The following ZDHHC9 variants were observed in gnomAD, a reference collection of about 807,000 sequenced individuals.
ZDHHC9 encodes the protein palmitoyltransferase ZDHHC9.
ZDHHC9 carries 3 observed loss-of-function variants against 26.6 expected under a neutral mutation model. The ratio of observed to expected loss-of-function variants is 0.11; its 90% CI spans 0.05 to 0.29. ZDHHC9 has a LOEUF of 0.29. ZDHHC9 is among the 10% of genes least tolerant of loss of function. The pLI is 1.00. For missense variants in ZDHHC9, 146 were observed against 296.4 expected, an observed-to-expected ratio of 0.49 and a Z score of 3.73; for synonymous variants, 111 against 109.4, an observed-to-expected ratio of 1.01 and a Z score of -0.09.
intron 5 of ZDHHC9, among the ~76,000 whole-genome samples, chrX:129,815,052 G>A (rs1927729529): frequency 9.0e-6 from 1 of 110,967 alleles, no homozygotes; most frequent in Non-Finnish European, 1.9e-5. Flanking sequence ...AAGGCATGGA[G>A]AGGTTAAGTG....
chrX:129,823,474 G>A (rs1927936859), intron 5 of ZDHHC9: 2 of 427,246 alleles, frequency 4.7e-6, no homozygotes, highest in Non-Finnish European at 8.0e-6. Context: ...TTAGGCTAGA[G>A]GATATTTAAA....
At chrX:129,833,990 C>G in intron 3 of ZDHHC9, among the ~76,000 whole-genome samples, 1 of 112,409 alleles carries the variant, frequency 8.9e-6, no homozygotes, top group Admixed American at 9.4e-5. Context: ...GTCTGTATCC[C>G]TGCAAAATTC....
chrX:129,835,357 G>A (rs1197141982), intron 3 of ZDHHC9, among the ~76,000 whole-genome samples: 1 of 107,345 alleles, frequency 9.3e-6, no homozygotes, highest in African/African-American at 3.4e-5. Context: ...TGAGGTGGGA[G>A]GACTGTTTAA....
intron 3 of ZDHHC9, among the ~76,000 whole-genome samples, chrX:129,836,870 C>T (rs1303593008): frequency 1.8e-5 from 2 of 112,441 alleles, no homozygotes; most frequent in Non-Finnish European, 3.7e-5. Flanking sequence ...GGGTAACACA[C>T]ACACTAGCTC....
chrX:129,810,411 T>C (rs774820881), intron 10 of ZDHHC9, among the ~76,000 whole-genome samples: 1 of 111,352 alleles, frequency 9.0e-6, no homozygotes, highest in Non-Finnish European at 1.9e-5. Flanking sequence ...AGATATACTT[T>C]ATATATCTTA....
At chrX:129,818,278 C>A (rs1012787353) in intron 5 of ZDHHC9, among the ~76,000 whole-genome samples, 4 of 111,810 alleles carry the variant, frequency 3.6e-5, no homozygotes, top group African/African-American at 1.3e-4. Flanking sequence ...GACTTCCAGC[C>A]TCCAGAATTG....
At chrX:129,841,144 A>C (rs1195490371) in intron 3 of ZDHHC9, among the ~76,000 whole-genome samples, 1 of 111,816 alleles carries the variant, frequency 8.9e-6, no homozygotes, top group Non-Finnish European at 1.9e-5. Context: ...CTCGAGTACG[A>C]GGTATTACAC....
At chrX:129,807,169 G>A (rs1211290420) in intron 10 of ZDHHC9, among the ~76,000 whole-genome samples, 4 of 112,312 alleles carry the variant, frequency 3.6e-5, no homozygotes, top group Non-Finnish European at 5.6e-5. Flanking sequence ...GATTCTGGCC[G>A]GGCGCGGTGG....
chrX:129,840,684 C>T (rs909232362), intron 3 of ZDHHC9, among the ~76,000 whole-genome samples: 7 of 111,129 alleles, frequency 6.3e-5, no homozygotes, highest in Non-Finnish European at 1.1e-4. Context: ...CTGGATCTCC[C>T]TCCCCCTGCT....
In ZDHHC9 at chrX:129,813,735, TG is replaced by T; in HGVS notation, c.626-11del. 2 of 1,206,335 alleles carry T rather than the reference TG, an allele frequency of 1.7e-6. No homozygotes were observed. The highest frequency in any genetic ancestry group is 2.2e-6 in the Non-Finnish European group (2 of 890,644). ...CCAATTTTCAAAGATTCTGTGAAAT[TG>T]GATGGAAGAGTAGAGAGAAAAATTA... On this transcript the variant is annotated splice_polypyrimidine_tract_variant and intron_variant, in intron 6 of 10. Coordinates refer to ENST00000357166, the MANE Select transcript of ZDHHC9 (RefSeq NM_016032.4).
intron 4 of ZDHHC9, among the ~76,000 whole-genome samples, chrX:129,825,286 T>C (rs80263194): frequency 8.9e-6 from 1 of 111,956 alleles, no homozygotes; most frequent in East Asian, 2.8e-4. Flanking sequence ...AAATTTTTTT[T>C]GGAAAAAAAC....
intron 3 of ZDHHC9, among the ~76,000 whole-genome samples, chrX:129,841,425 C>A (rs1380803145): frequency 8.9e-6 from 1 of 111,794 alleles, no homozygotes; most frequent in Non-Finnish European, 1.9e-5. Context: ...AGTAATGTAA[C>A]AATGAGGGGT....
chrX:129,814,271 C>T (rs1038805200), intron 6 of ZDHHC9, among the ~76,000 whole-genome samples: 8 of 111,792 alleles, frequency 7.2e-5, no homozygotes, highest in Admixed American at 3.8e-4. Flanking sequence ...AAAGACATTT[C>T]TCAGGCAAAA....
intron 3 of ZDHHC9, among the ~76,000 whole-genome samples, chrX:129,832,643 C>T (rs1026047019): frequency 6.3e-5 from 7 of 110,444 alleles, no homozygotes; most frequent in African/African-American, 2.0e-4. Flanking sequence ...ATTAGCCAGG[C>T]GTGGTGGTGG....
At chrX:129,809,988 CAAAAAA>C (rs55755290) in intron 10 of ZDHHC9, among the ~76,000 whole-genome samples, 5 of 58,659 alleles carry the variant, frequency 8.5e-5, no homozygotes, top group Admixed American at 7.3e-4. Flanking sequence ...GACTCCGTCT[CAAAAAA>C]AAAAAAAAAA....
intron 2 of ZDHHC9, among the ~76,000 whole-genome samples, chrX:129,842,661 C>A (rs1928408329): frequency 8.8e-6 from 1 of 113,044 alleles, no homozygotes; most frequent in African/African-American, 3.2e-5. Context: ...CTGGCAGGGC[C>A]AGGAGGTTCT....
intron 5 of ZDHHC9, among the ~76,000 whole-genome samples, chrX:129,822,249 T>C (rs937950743): frequency 2.7e-5 from 3 of 111,400 alleles, no homozygotes; most frequent in Non-Finnish European, 3.8e-5. Flanking sequence ...GTGGCACATA[T>C]ACACCATGGA....
At position 129,811,720 on chromosome X, in the gene ZDHHC9, G is replaced by A. The variant is rs138568875; in HGVS notation, c.778-211C>T. 7.2e-5 allele frequency among the ~76,000 whole-genome samples: 8 copies of A among 111,018 alleles called. No individual in the cohort carries two copies. The East Asian group carries it at 2.3e-3, about 31-fold the overall frequency. On this transcript the variant is annotated intron_variant, in intron 8 of 10. Transcript: ENST00000357166. ...CCACTGAACTGTACATTTAGGATATGAGGGCGATCTGGCTGCAACAACTGT... is the reference window on the plus strand; with the variant it reads ...CCACTGAACTGTACATTTAGGATATAAGGGCGATCTGGCTGCAACAACTGT...
At chrX:129,824,051 C>T (rs1398141265) in intron 4 of ZDHHC9, among the ~76,000 whole-genome samples, 1 of 110,482 alleles carries the variant, frequency 9.1e-6, no homozygotes, top group Non-Finnish European at 1.9e-5. Context: ...TTCTTCGAGG[C>T]TTTTTTTTCT....
Sources: allele counts gnomAD v4.1 joint callset (sites outside exome capture counted in the v4.1 genomes callset), GRCh38; gene constraint gnomAD v4.1.1; transcripts MANE v1.5; gene names NCBI Gene and HGNC (gene_info 2026-07-23, HGNC 2026-07-21).